Variants in SMOC2 observed in about 807,000 individuals in gnomAD.
SMOC2 encodes the protein SPARC related modular calcium binding 2.
In SMOC2, 39 loss-of-function variants were observed where a neutral mutation model predicts 61.4. The ratio of observed to expected loss-of-function variants is 0.64; its 90% CI spans 0.49 to 0.83. The LOEUF (loss-of-function observed/expected upper bound fraction) is 0.83. Among genes scored for constraint, SMOC2 ranks in the 40% least tolerant of loss-of-function variants. The pLI is 0.00. For synonymous variants in SMOC2, 247 were observed against 239.9 expected, an observed-to-expected ratio of 1.03 and a Z score of -0.27; for missense variants, 556 against 592.9, an observed-to-expected ratio of 0.94 and a Z score of 0.65.
At chr6:168,533,995 C>T (rs1783674577) in intron 4 of SMOC2, among the ~76,000 whole-genome samples, 1 of 152,150 alleles carries the variant, frequency 6.6e-6, no homozygotes, top group South Asian at 2.1e-4. Flanking sequence ...CTTGTAATCC[C>T]AGCACTGTGG....
chr6:168,644,535 T>A lies in SMOC2; in HGVS notation c.908-6146T>A, dbSNP rs1482280162. ...TGGAACCTTCATCACAAGTCACCAG[T>A]GATGTTCAGGGTCAGGGAGAAACTA... On this transcript the variant is annotated intron_variant, in intron 9 of 12. Transcript: ENST00000356284. Among the ~76,000 whole-genome samples, 7 of 152,012 alleles carry A rather than the reference T, an allele frequency of 4.6e-5. No individual in the cohort carries two copies. The South Asian group carries it at 8.3e-4, about 18-fold the overall frequency.
At chr6:168,549,659 A>G (rs533278098) in intron 7 of SMOC2, among the ~76,000 whole-genome samples, 1 of 152,296 alleles carries the variant, frequency 6.6e-6, no homozygotes, top group South Asian at 2.1e-4. Flanking sequence ...TCCTTGTAAC[A>G]GTGGACCCAT....
intron 4 of SMOC2, among the ~76,000 whole-genome samples, chr6:168,530,907 T>A (rs542088996): frequency 6.6e-6 from 1 of 152,290 alleles, no homozygotes; most frequent in South Asian, 2.1e-4. Context: ...TGGAAACAGA[T>A]CTGTGTCCAT....
At chr6:168,600,444 A>T (rs75912147) in intron 8 of SMOC2, among the ~76,000 whole-genome samples, 1 of 142,496 alleles carries the variant, frequency 7.0e-6, no homozygotes, top group Non-Finnish European at 1.5e-5. Flanking sequence ...CAAAAAAAAA[A>T]ACAGTAGTTT....
At chr6:168,523,865 A>G (rs1275680019) in intron 2 of SMOC2, among the ~76,000 whole-genome samples, 1 of 152,168 alleles carries the variant, frequency 6.6e-6, no homozygotes, top group Non-Finnish European at 1.5e-5. Context: ...AAAATATATT[A>G]AGGAGAGACA....
intron 9 of SMOC2, among the ~76,000 whole-genome samples, chr6:168,621,849 G>A (rs1786254400): frequency 6.6e-6 from 1 of 152,144 alleles, no homozygotes; most frequent in Admixed American, 6.5e-5. Flanking sequence ...GTGAGATCTG[G>A]GCGGGGACAC....
chr6:168,599,139 T>G, intron 8 of SMOC2, 135 bp downstream of exon 8: 2 of 782,124 alleles, frequency 2.6e-6, no homozygotes, highest in Non-Finnish European at 3.9e-6. Context: ...CACACACTGA[T>G]ACCACACACA....
At chr6:168,610,278 T>A (rs1436834690) in intron 9 of SMOC2, among the ~76,000 whole-genome samples, 1 of 152,186 alleles carries the variant, frequency 6.6e-6, no homozygotes, top group Admixed American at 6.5e-5. Context: ...GAAAACCAGA[T>A]TGCTGAGGCA....
chr6:168,567,935 A>G (rs954446114), intron 7 of SMOC2, among the ~76,000 whole-genome samples: 2 of 151,362 alleles, frequency 1.3e-5, no homozygotes, highest in Admixed American at 6.6e-5. Flanking sequence ...GGTGTCTCAT[A>G]TTAGAATTTA....
rs1050106103 is a variant in SMOC2, at chr6:168,536,821, C to T, written c.464-6804C>T. ...AGTCCTGCTTGGCCCCAACCTGTGG[C>T]CACGGTGAGGCTCAGGGATGGGACC... On this transcript the variant is annotated intron_variant, in intron 4 of 12. Transcript: ENST00000356284. Among the ~76,000 whole-genome samples the T allele has an allele frequency of 4.6e-5, 7 of 152,186 alleles. 1 individual carries two copies. The highest frequency in any genetic ancestry group is 4.6e-4 in the Admixed American group (7 of 15,280).
intron 1 of SMOC2, among the ~76,000 whole-genome samples, chr6:168,467,719 T>C (rs186097630): frequency 1.4e-3 from 210 of 152,342 alleles, no homozygotes; most frequent in African/African-American, 4.9e-3. Flanking sequence ...ATTACATTTT[T>C]GACCAGGGTG....
intron 7 of SMOC2, among the ~76,000 whole-genome samples, chr6:168,575,555 G>A (rs951655580): frequency 1.3e-5 from 2 of 152,176 alleles, no homozygotes; most frequent in African/African-American, 4.8e-5. Context: ...GCTCCTCGCA[G>A]GGGGTGGGTA....
At chr6:168,497,800 C>G (rs968080908) in intron 1 of SMOC2, among the ~76,000 whole-genome samples, 9 of 152,172 alleles carry the variant, frequency 5.9e-5, no homozygotes, top group Non-Finnish European at 1.3e-4. Flanking sequence ...TTTTGCCCCC[C>G]ACAAAGCAAA....
chr6:168,490,624 G>A (rs1336122061), intron 1 of SMOC2, among the ~76,000 whole-genome samples: 1 of 152,204 alleles, frequency 6.6e-6, no homozygotes, highest in Non-Finnish European at 1.5e-5. Context: ...TCAGTGGATT[G>A]AGGGGTAGAA....
intron 9 of SMOC2, among the ~76,000 whole-genome samples, chr6:168,631,282 G>A (rs1786563684): frequency 6.6e-6 from 1 of 152,050 alleles, no homozygotes; most frequent in Non-Finnish European, 1.5e-5. Context: ...CGTGAATTTC[G>A]GGGCCGATTC....
At chr6:168,624,591 GAC>G (rs1786336834) in intron 9 of SMOC2, among the ~76,000 whole-genome samples, 1 of 110,038 alleles carries the variant, frequency 9.1e-6, no homozygotes, top group Non-Finnish European at 1.9e-5. Context: ...CAGATACACA[GAC>G]ACAGATGTGC....
intron 1 of SMOC2, among the ~76,000 whole-genome samples, chr6:168,473,312 C>T (rs1048112947): frequency 6.6e-6 from 1 of 152,154 alleles, no homozygotes; most frequent in Non-Finnish European, 1.5e-5. Context: ...AAAGTTCAAG[C>T]CCTCCAGGCA....
intron 4 of SMOC2, among the ~76,000 whole-genome samples, chr6:168,531,355 G>A (rs1011742892): frequency 4.6e-5 from 7 of 152,162 alleles, no homozygotes; most frequent in African/African-American, 1.7e-4. Context: ...CAATATTTTA[G>A]GAATTTAAAA....
chr6:168,591,426 G>T (rs562675762), intron 7 of SMOC2, among the ~76,000 whole-genome samples: 1 of 152,288 alleles, frequency 6.6e-6, no homozygotes, highest in South Asian at 2.1e-4. Context: ...TACAGAATTA[G>T]TACATTTCCT....
Sources: allele counts gnomAD v4.1 joint callset (sites outside exome capture counted in the v4.1 genomes callset), GRCh38; gene constraint gnomAD v4.1.1; transcripts MANE v1.5; gene names NCBI Gene and HGNC (gene_info 2026-07-23, HGNC 2026-07-21).